The following AGFG1 variants were observed in gnomAD, a reference collection of about 807,000 sequenced individuals.
AGFG1 encodes arf-GAP domain and FG repeat-containing protein 1.
A neutral mutation model predicts 60.6 loss-of-function variants in AGFG1; 10 were observed. That is an observed-to-expected ratio of 0.16 (90% CI 0.10 to 0.28). The LOEUF is 0.28. AGFG1 is among the 10% of genes least tolerant of loss of function. AGFG1 has a pLI of 1.00. For missense variants in AGFG1, 537 were observed against 676.5 expected, an observed-to-expected ratio of 0.79 and a Z score of 2.29; for synonymous variants, 247 against 242.9, an observed-to-expected ratio of 1.02 and a Z score of -0.16.
At position 227,514,685 on chromosome 2, in the gene AGFG1, A is replaced by C. The variant is rs576497411; in HGVS notation, c.262-5263A>C. 4.6e-5 allele frequency among the ~76,000 whole-genome samples: 7 copies of C among 152,296 alleles called. No homozygotes were observed. The East Asian group carries it at 1.4e-3, about 29-fold the overall frequency. On this transcript the variant is annotated intron_variant, in intron 2 of 12. Transcript: ENST00000310078. ...CTCATGCAGTCTGATTCCCTTGTCCAAGCTCATTAACTACCATAACCATCA... is the reference window on the plus strand; with the variant it reads ...CTCATGCAGTCTGATTCCCTTGTCCCAGCTCATTAACTACCATAACCATCA...
chr2:227,508,504 A>C (rs1037032232), intron 2 of AGFG1: 3 of 372,392 alleles, frequency 8.1e-6, no homozygotes, highest in Non-Finnish European at 1.7e-5. Flanking sequence ...AAAATGTAAA[A>C]AATGTAAAGC....
At chr2:227,535,127 T>C in intron 8 of AGFG1, 102 bp downstream of exon 8, 2 of 1,246,532 alleles carry the variant, frequency 1.6e-6, no homozygotes, top group Non-Finnish European at 1.0e-6. Flanking sequence ...AATTTTAAAA[T>C]TCTTGGATAT....
At chr2:227,515,914 A>C (rs1435364994) in intron 2 of AGFG1, among the ~76,000 whole-genome samples, 2 of 152,206 alleles carry the variant, frequency 1.3e-5, no homozygotes, top group Non-Finnish European at 2.9e-5. Context: ...CAGGGACTAA[A>C]CTGTGAGTAG....
At position 227,531,229 on chromosome 2, in the gene AGFG1, T is replaced by C; in HGVS notation, c.814+19T>C. On this transcript the variant is annotated intron_variant, in intron 6 of 12. Coordinates refer to ENST00000310078, the MANE Select transcript of AGFG1 (RefSeq NM_004504.5). ...ACTACAGGTAGAGCTTCTCCAGCAT[T>C]GTGCTTAAATGTTTACTTTACAAAA... 1.3e-6 allele frequency: 2 copies of C among 1,599,532 alleles called. No homozygotes were observed. Among genetic ancestry groups the C allele is most frequent in the Non-Finnish European group, 1.7e-6 (2 of 1,175,496 alleles).
chr2:227,472,329 GCCGCGGCCAGGGCGGCCCGTGGGA>G lies in AGFG1; in HGVS notation c.-86_-63del. ...CGGCGCGCGCAGACGGAGGGCGGCG[GCCGCGGCCAGGGCGGCCCGTGGGA>G]CCGCGGGCCCCCGGCGCAGCGCTGC... On this transcript the variant is annotated 5_prime_UTR_variant, in exon 1 of 13. Transcript: ENST00000310078. The G allele has an allele frequency of 1.2e-6, 1 of 845,940 alleles. No individual in the cohort carries two copies. The highest frequency in any genetic ancestry group is 1.4e-6 in the Non-Finnish European group (1 of 704,272). 52.4% of individuals were successfully genotyped at this position (845,940 alleles called of 1,614,324 possible).
intron 10 of AGFG1, among the ~76,000 whole-genome samples, chr2:227,540,789 T>G (rs539912902): frequency 6.6e-6 from 1 of 152,358 alleles, no homozygotes; most frequent in Non-Finnish European, 1.5e-5. Flanking sequence ...CCACAATGGT[T>G]GAACTAGTTT....
At chr2:227,522,686 C>T (rs543592880) in intron 3 of AGFG1, among the ~76,000 whole-genome samples, 6 of 152,282 alleles carry the variant, frequency 3.9e-5, no homozygotes, top group Admixed American at 3.3e-4. Context: ...GGAACAGGTG[C>T]TCTTAAGCAT....
At chr2:227,479,098 C>G (rs1316542587) in intron 1 of AGFG1, among the ~76,000 whole-genome samples, 2 of 152,152 alleles carry the variant, frequency 1.3e-5, no homozygotes, top group East Asian at 3.9e-4. Context: ...CATGAATGTT[C>G]ATTGTGCAGT....
chr2:227,479,386 T>G (rs1690388589), intron 1 of AGFG1, among the ~76,000 whole-genome samples: 1 of 152,258 alleles, frequency 6.6e-6, no homozygotes, highest in East Asian at 1.9e-4. Flanking sequence ...ACAGTTTAGA[T>G]TAAATTTACA....
At chr2:227,507,715 C>T (rs1350113331) in intron 2 of AGFG1, among the ~76,000 whole-genome samples, 1 of 144,918 alleles carries the variant, frequency 6.9e-6, no homozygotes, top group Non-Finnish European at 1.5e-5. Context: ...TTTTATTCTT[C>T]TTTTAAGAAC....
In AGFG1 at chr2:227,533,630, T is replaced by G; in HGVS notation, c.896T>G (p.Phe299Cys). The G allele has an allele frequency of 6.2e-7, 1 of 1,613,836 alleles. No individual in the cohort carries two copies. Among genetic ancestry groups the G allele is most frequent in the Non-Finnish European group, 8.5e-7 (1 of 1,179,812 alleles). The part of the protein sequence containing the change: ...PKSSSADFGT[F>C]NTSQSHQTAS... ...TCCTCCAGTGCTGATTTTGGAACCTTCAATACTTCCCAGAGTCATCAAACA... is the reference window on the plus strand; with the variant it reads ...TCCTCCAGTGCTGATTTTGGAACCTGCAATACTTCCCAGAGTCATCAAACA... The change falls in exon 7 of 13, where the codon TTC becomes TGC. Residue 299 changes from phenylalanine to cysteine, a missense_variant. By Grantham distance (205) the Phe-to-Cys change is radical (BLOSUM62 -2). This residue lies in a region of AGFG1 where 287 missense variants were observed against 343.6 expected (regional missense o/e 0.84). Coordinates refer to ENST00000310078, the MANE Select transcript of AGFG1 (RefSeq NM_004504.5).
chr2:227,498,154 T>A lies in AGFG1; in HGVS notation c.261+6514T>A, dbSNP rs957017759. On this transcript the variant is annotated intron_variant, in intron 2 of 12. Coordinates refer to ENST00000310078, the MANE Select transcript of AGFG1 (RefSeq NM_004504.5). ...TTTATTTTTTAAAATTAAAAAAAAA[T>A]TTTTTTCCCCAGGTTTGGTAACTTG... 1.1e-4 allele frequency among the ~76,000 whole-genome samples: 16 copies of A among 151,842 alleles called. No individual in the cohort carries two copies. The South Asian group carries it at 1.9e-3, about 18-fold the overall frequency.
intron 2 of AGFG1, among the ~76,000 whole-genome samples, chr2:227,512,641 T>C (rs1343755743): frequency 1.3e-5 from 2 of 152,228 alleles, no homozygotes; most frequent in Non-Finnish European, 2.9e-5. Flanking sequence ...GGTACCTGTT[T>C]AGAGAGCTTC....
chr2:227,491,675 CTT>C (rs775926396), intron 2 of AGFG1, 35 bp downstream of exon 2: 2 of 1,315,960 alleles, frequency 1.5e-6, no homozygotes, highest in East Asian at 2.6e-5. Context: ...CAATTTTTGA[CTT>C]TTTTGTTGGC....
intron 10 of AGFG1, among the ~76,000 whole-genome samples, chr2:227,537,667 G>A (rs1575108345): frequency 6.6e-6 from 1 of 152,104 alleles, no homozygotes; most frequent in South Asian, 2.1e-4. Context: ...TTAAACACCA[G>A]AGATATTTGC....
intron 2 of AGFG1, 24 bp from the exon 3 acceptor site, chr2:227,519,924 A>C (rs1216409050): frequency 7.2e-7 from 1 of 1,390,322 alleles, no homozygotes; most frequent in African/African-American, 1.5e-5. Flanking sequence ...AATTTAACAT[A>C]TATTTTTTTA....
chr2:227,516,392 T>C (rs10191552), intron 2 of AGFG1, among the ~76,000 whole-genome samples: 114,385 of 152,136 alleles, frequency 0.75, 43,119 homozygotes, highest in South Asian at 0.84. Flanking sequence ...TCAAGAGTGT[T>C]AAGATTGGTT....
intron 2 of AGFG1, among the ~76,000 whole-genome samples, chr2:227,502,466 G>T (rs775786410): frequency 1.3e-5 from 2 of 151,962 alleles, no homozygotes; most frequent in African/African-American, 4.8e-5. Flanking sequence ...GACCACAAGC[G>T]CACACCACCA....
chr2:227,540,263 A>G (rs1227486577), intron 10 of AGFG1, among the ~76,000 whole-genome samples: 1 of 149,626 alleles, frequency 6.7e-6, no homozygotes, highest in Non-Finnish European at 1.5e-5. Context: ...TTACATATGT[A>G]TACATGTACC....
Sources: allele counts gnomAD v4.1 joint callset (sites outside exome capture counted in the v4.1 genomes callset), GRCh38; gene constraint gnomAD v4.1.1; regional missense constraint gnomAD v4.1.1; transcripts MANE v1.5; gene names NCBI Gene and HGNC (gene_info 2026-07-23, HGNC 2026-07-21).